Variants in BANK1 observed in about 807,000 individuals in gnomAD.
BANK1 encodes the protein B cell scaffold protein with ankyrin repeats 1, also known as B-cell scaffold protein with ankyrin repeats.
BANK1 carries 95 observed loss-of-function variants against 94.5 expected under a neutral mutation model. The ratio of observed to expected loss-of-function variants is 1.00; its 90% CI spans 0.85 to 1.19. The LOEUF (loss-of-function observed/expected upper bound fraction) is 1.19. BANK1 is among the 50% of genes most tolerant of loss of function. The probability of loss-of-function intolerance (pLI) is 0.00; values close to 1 mark genes in which losing one functional copy is unlikely to be tolerated. For synonymous variants in BANK1, 334 were observed against 308.4 expected, an observed-to-expected ratio of 1.08 and a Z score of -0.87; for missense variants, 987 against 932.2, an observed-to-expected ratio of 1.06 and a Z score of -0.77.
At chr4:101,822,536 A>C (rs1377332820) in intron 1 of BANK1, among the ~76,000 whole-genome samples, 1 of 152,054 alleles carries the variant, frequency 6.6e-6, no homozygotes, top group Non-Finnish European at 1.5e-5. Context: ...AGTACATTAT[A>C]GTTTTTTGAT....
intron 10 of BANK1, among the ~76,000 whole-genome samples, chr4:102,040,522 C>T (rs1359030823): frequency 1.3e-5 from 2 of 151,920 alleles, no homozygotes; most frequent in South Asian, 2.1e-4. Context: ...AGAGAGTCAG[C>T]AAAGTTGACA....
chr4:101,813,840 CT>C (rs1725804812), intron 1 of BANK1: 1 of 985,124 alleles, frequency 1.0e-6, no homozygotes, highest in Admixed American at 6.2e-5. Context: ...CCAACAAGGG[CT>C]GCAGAGGATG....
intron 7 of BANK1, among the ~76,000 whole-genome samples, chr4:102,000,729 A>G (rs1003565249): frequency 2.6e-5 from 4 of 152,208 alleles, no homozygotes; most frequent in South Asian, 2.1e-4. Flanking sequence ...GATGAATTCT[A>G]TACATATTTA....
chr4:101,993,221 G>A (rs962437602), intron 7 of BANK1, among the ~76,000 whole-genome samples: 4 of 152,278 alleles, frequency 2.6e-5, no homozygotes, highest in Admixed American at 1.3e-4. Flanking sequence ...AGTTTTGAAA[G>A]AAATGGGAAG....
chr4:101,875,594 C>T lies in BANK1; in HGVS notation c.903+4950C>T, dbSNP rs1406729775. ...ATGTAGGAGAAACCACCCCCATGAT[C>T]CAATCACCTCCCACCAGGGTCCCCC... On this transcript the variant is annotated intron_variant, in intron 5 of 16. Transcript: ENST00000322953. Among the ~76,000 whole-genome samples, 5 of 152,232 alleles carry T rather than the reference C, an allele frequency of 3.3e-5. No homozygotes were observed. In the South Asian group the frequency reaches 1.0e-3, roughly 32 times the overall value.
At chr4:101,921,926 C>T (rs991092109) in intron 7 of BANK1, among the ~76,000 whole-genome samples, 9 of 151,530 alleles carry the variant, frequency 5.9e-5, no homozygotes, top group Non-Finnish European at 1.3e-4. Flanking sequence ...TTCTATTGCT[C>T]ATGTGTGCGA....
At chr4:101,852,250 A>C (rs1578357059) in intron 2 of BANK1, among the ~76,000 whole-genome samples, 1 of 151,750 alleles carries the variant, frequency 6.6e-6, no homozygotes, top group East Asian at 1.9e-4. Flanking sequence ...AAATAGATAC[A>C]TGTTCTCAGT....
intron 5 of BANK1, among the ~76,000 whole-genome samples, chr4:101,894,574 T>G (rs1721997216): frequency 6.6e-6 from 1 of 152,086 alleles, no homozygotes; most frequent in Admixed American, 6.6e-5. Context: ...TGTTCCACAG[T>G]TCCCTCTTCA....
chr4:101,847,736 TACACACACACAC>T lies in BANK1; in HGVS notation c.470-7271_470-7260del, dbSNP rs35196238. Reference sequence around the variant, plus strand: ...TTTATGTCTGCGTAGTATTCCATCATACACACACACACACACACACACACACACACACACACA... The same window carrying T: ...TTTATGTCTGCGTAGTATTCCATCATACACACACACACACACACACACACA... On this transcript the variant is annotated intron_variant, in intron 2 of 16. Coordinates refer to ENST00000322953, the MANE Select transcript of BANK1 (RefSeq NM_017935.5). 4.5e-4 allele frequency among the ~76,000 whole-genome samples: 66 copies of T among 145,878 alleles called. 1 individual carries two copies. The highest frequency in any genetic ancestry group is 1.6e-3 in the East Asian group (8 of 4,898).
intron 7 of BANK1, among the ~76,000 whole-genome samples, chr4:101,941,258 T>G (rs1024940009): frequency 2.0e-5 from 3 of 151,614 alleles, no homozygotes; most frequent in Non-Finnish European, 4.4e-5. Flanking sequence ...AGCACTGTGT[T>G]TTGTATATTT....
chr4:102,027,976 A>G (rs1727160606), intron 9 of BANK1, among the ~76,000 whole-genome samples: 1 of 152,196 alleles, frequency 6.6e-6, no homozygotes, highest in Admixed American at 6.5e-5. Flanking sequence ...AAAAGTTGGA[A>G]TTATGGAAGT....
At chr4:101,889,347 T>C (rs142194920) in intron 5 of BANK1, among the ~76,000 whole-genome samples, 2 of 152,280 alleles carry the variant, frequency 1.3e-5, no homozygotes, top group East Asian at 1.9e-4. Context: ...TATTGATCTT[T>C]TAAAAGAATC....
chr4:102,034,004 A>C (rs1727413437), intron 10 of BANK1, among the ~76,000 whole-genome samples: 1 of 150,396 alleles, frequency 6.6e-6, no homozygotes, highest in African/African-American at 2.5e-5. Flanking sequence ...TGCATTTCAC[A>C]GAGTAAGAGC....
intron 6 of BANK1, among the ~76,000 whole-genome samples, chr4:101,904,209 G>C (rs568345310): frequency 6.6e-6 from 1 of 152,174 alleles, no homozygotes; most frequent in Admixed American, 6.5e-5. Context: ...ACTACTAAAG[G>C]CCAGTTTTTT....
At chr4:102,037,011 A>T (rs1213007448) in intron 10 of BANK1, 1 of 152,224 alleles carries the variant, frequency 6.6e-6, no homozygotes, top group Admixed American at 6.5e-5. Flanking sequence ...AAGCACTTAG[A>T]TTTTCATTCG....
intron 5 of BANK1, among the ~76,000 whole-genome samples, chr4:101,889,256 C>CT (rs1415475269): frequency 7.2e-5 from 11 of 151,874 alleles, no homozygotes; most frequent in Admixed American, 5.2e-4. Flanking sequence ...GTATTGATAT[C>CT]TTTTTTTTCA....
chr4:101,855,962 C>T lies in BANK1; in HGVS notation c.624+773C>T, dbSNP rs1727663378. Among the ~76,000 whole-genome samples, 3 of 152,228 alleles carry T rather than the reference C, an allele frequency of 2.0e-5. No individual in the cohort carries two copies. The South Asian group carries it at 6.2e-4, about 32-fold the overall frequency. On this transcript the variant is annotated intron_variant, in intron 3 of 16. Transcript: ENST00000322953. ...AAAATAAGCCTTTCCAAATATCTGA[C>T]TATATAATCTTAGGACATGAAAAAG...
At chr4:102,046,980 G>T (rs931970214) in intron 11 of BANK1, among the ~76,000 whole-genome samples, 1 of 152,078 alleles carries the variant, frequency 6.6e-6, no homozygotes, top group Non-Finnish European at 1.5e-5. Context: ...CCTTGAAAAT[G>T]GTGCCGGTAA....
intron 13 of BANK1, among the ~76,000 whole-genome samples, chr4:102,066,086 C>T (rs1728581682): frequency 6.6e-6 from 1 of 151,918 alleles, no homozygotes; most frequent in Admixed American, 6.6e-5. Flanking sequence ...CCAAACTTAG[C>T]ATAACTGTTA....
Sources: allele counts gnomAD v4.1 joint callset (sites outside exome capture counted in the v4.1 genomes callset), GRCh38; gene constraint gnomAD v4.1.1; transcripts MANE v1.5; gene names NCBI Gene and HGNC (gene_info 2026-07-23, HGNC 2026-07-21).